DGKB: variants seen among roughly 807,000 people sequenced by gnomAD.
DGKB encodes the protein 90 kDa diacylglycerol kinase.
In DGKB, 67 loss-of-function variants were observed where a neutral mutation model predicts 114.3. The observed-to-expected ratio is 0.59, with a 90% CI of 0.48 to 0.72. The LOEUF is 0.72. DGKB is among the 30% of genes least tolerant of loss of function. DGKB has a pLI of 0.00. For missense variants in DGKB, 907 were observed against 975.2 expected, an observed-to-expected ratio of 0.93 and a Z score of 0.93; for synonymous variants, 398 against 323.1, an observed-to-expected ratio of 1.23 and a Z score of -2.49.
chr7:14,345,233 C>T (rs956830349), intron 22 of DGKB, 68 bp downstream of exon 22: 12 of 875,166 alleles, frequency 1.4e-5, no homozygotes, highest in Non-Finnish European at 1.8e-5. Context: ...GGCTCCAATG[C>T]AAATATACTA....
rs1366134699 is a variant in DGKB at position 14,258,866 on chromosome 7, G to C, written c.2122+79649C>G. Among the ~76,000 whole-genome samples, 3 of 152,052 alleles carry C rather than the reference G, an allele frequency of 2.0e-5. No individual in the cohort carries two copies. The East Asian group carries it at 5.8e-4, about 29-fold the overall frequency. ...AACTGTGCCTATCCCTCAAAAACAT[G>C]TAATTCTTCCTAGGAAAATCTGCAG... On this transcript the variant is annotated intron_variant, in intron 23 of 25. Transcript: ENST00000402815.
chr7:14,504,228 T>C (rs1786658710), intron 20 of DGKB, among the ~76,000 whole-genome samples: 1 of 152,172 alleles, frequency 6.6e-6, no homozygotes, highest in Admixed American at 6.5e-5. Flanking sequence ...AAACTTTTCA[T>C]GGAGCCTTGT....
intron 20 of DGKB, among the ~76,000 whole-genome samples, chr7:14,557,079 C>T (rs1378368683): frequency 1.3e-5 from 2 of 152,094 alleles, no homozygotes; most frequent in Non-Finnish European, 2.9e-5. Flanking sequence ...TCTCAGCCCC[C>T]GTCCCCAATC....
At chr7:14,302,351 A>G (rs1043238250) in intron 23 of DGKB, among the ~76,000 whole-genome samples, 12 of 152,066 alleles carry the variant, frequency 7.9e-5, no homozygotes, top group Non-Finnish European at 1.3e-4. Context: ...TCACTTTGTG[A>G]TAAATCAGCA....
At chr7:14,665,092 A>G (rs755929920) in intron 13 of DGKB, among the ~76,000 whole-genome samples, 1 of 152,032 alleles carries the variant, frequency 6.6e-6, no homozygotes, top group Admixed American at 6.6e-5. Flanking sequence ...AATAATCAGC[A>G]TATTAACACT....
chr7:14,173,498 T>C (rs1781312147), intron 25 of DGKB, among the ~76,000 whole-genome samples: 1 of 152,216 alleles, frequency 6.6e-6, no homozygotes, highest in African/African-American at 2.4e-5. Context: ...CTGTTTTATA[T>C]ATTCTACTAA....
chr7:14,564,657 A>G (rs185983168), intron 20 of DGKB, among the ~76,000 whole-genome samples: 46 of 152,306 alleles, frequency 3.0e-4, no homozygotes, highest in Non-Finnish European at 5.1e-4. Flanking sequence ...TATAGTCTTT[A>G]TAGATGCATC....
intron 23 of DGKB, among the ~76,000 whole-genome samples, chr7:14,321,501 T>G (rs558925209): frequency 3.3e-5 from 5 of 151,734 alleles, no homozygotes; most frequent in Non-Finnish European, 7.4e-5. Context: ...GGTGAACTAT[T>G]GAAATCTCCC....
rs574520872 is a variant in DGKB at position 14,275,606 on chromosome 7, C to T, written c.2122+62909G>A. ...CGCCAATTCACATAGGGTCTCTGCT[C>T]GCTAGAAAGGCCATGCTTCCTCTGC... is the stretch of plus-strand genomic sequence containing the variant. On this transcript the variant is annotated intron_variant, in intron 23 of 25. Coordinates refer to ENST00000402815, the MANE Select transcript of DGKB (RefSeq NM_001350709.2). Among the ~76,000 whole-genome samples the T allele has an allele frequency of 5.9e-5, 9 of 152,218 alleles. No homozygotes were observed. The South Asian group carries it at 1.0e-3, about 18-fold the overall frequency.
intron 21 of DGKB, among the ~76,000 whole-genome samples, chr7:14,398,160 C>A (rs191188791): frequency 6.6e-6 from 1 of 151,932 alleles, no homozygotes; most frequent in Non-Finnish European, 1.5e-5. Flanking sequence ...TGAATGATTT[C>A]GATCAATGGT....
intron 1 of DGKB, among the ~76,000 whole-genome samples, chr7:14,911,568 G>A (rs570003392): frequency 6.6e-6 from 1 of 152,250 alleles, no homozygotes; most frequent in South Asian, 2.1e-4. Flanking sequence ...CTACTCAAGT[G>A]TAAATTGAAT....
Position 14,644,116 on chromosome 7 carries a change from C to CAAA in DGKB, c.1135-13851_1135-13849dup, listed in dbSNP as rs35685758. On this transcript the variant is annotated intron_variant, in intron 13 of 25. Transcript: ENST00000402815. ...CATATGCTACTGATTTGATTACAGG[C>CAAA]AAAAAAAAAAAAAATCATATGGAGA... is the stretch of plus-strand genomic sequence containing the variant. 6.6e-3 allele frequency among the ~76,000 whole-genome samples: 919 copies of CAAA among 138,878 alleles called. 11 individuals carry two copies. Among genetic ancestry groups the CAAA allele is most frequent in the African/African-American group, 0.021 (795 of 37,854 alleles). The allele number at this position is 138,878 out of a possible 152,430, so 91.1% of individuals were successfully genotyped here.
intron 1 of DGKB, among the ~76,000 whole-genome samples, chr7:14,868,133 G>C (rs1285412584): frequency 6.6e-6 from 1 of 151,960 alleles, no homozygotes; most frequent in Non-Finnish European, 1.5e-5. Flanking sequence ...TTCTGGCTCT[G>C]ATGTAACCAA....
At chr7:14,593,972 C>G (rs1022030912) in intron 17 of DGKB, among the ~76,000 whole-genome samples, 2 of 152,004 alleles carry the variant, frequency 1.3e-5, no homozygotes, top group Non-Finnish European at 2.9e-5. Flanking sequence ...TGCCTTATTT[C>G]TGCTTTCTTC....
chr7:14,210,437 C>T (rs116537955), intron 23 of DGKB, among the ~76,000 whole-genome samples: 257 of 152,228 alleles, frequency 1.7e-3, no homozygotes, highest in African/African-American at 6.1e-3. Flanking sequence ...TCCATGTGCA[C>T]AATCTGCAGA....
chr7:14,206,763 T>C (rs988372139), intron 23 of DGKB, among the ~76,000 whole-genome samples: 4 of 152,076 alleles, frequency 2.6e-5, no homozygotes, highest in Non-Finnish European at 5.9e-5. Flanking sequence ...AAATAATATA[T>C]GCTAAAATTC....
chr7:14,254,585 A>AACTG (rs550977910), intron 23 of DGKB, among the ~76,000 whole-genome samples: 2 of 144,986 alleles, frequency 1.4e-5, no homozygotes, highest in Non-Finnish European at 3.0e-5. Flanking sequence ...ATCTATTTTA[A>AACTG]ACTGTTGTAA....
chr7:14,739,966 G>C (rs528745304), intron 4 of DGKB, among the ~76,000 whole-genome samples: 1 of 152,240 alleles, frequency 6.6e-6, no homozygotes, highest in Non-Finnish European at 1.5e-5. Context: ...GCACATGGCC[G>C]TGTGTCTGCG....
At chr7:14,873,806 AT>A (rs1562782331) in intron 1 of DGKB, among the ~76,000 whole-genome samples, 2 of 152,140 alleles carry the variant, frequency 1.3e-5, no homozygotes, top group East Asian at 3.9e-4. Flanking sequence ...AGTGAAAATT[AT>A]TTTAAAAGTA....
Sources: gnomAD v4.1 joint callset for allele counts (sites outside exome capture counted in the v4.1 genomes callset) on GRCh38, gnomAD v4.1.1 for gene constraint, MANE v1.5 for transcripts, NCBI Gene and HGNC (gene_info 2026-07-23, HGNC 2026-07-21) for gene names.